VTA1: variants seen among roughly 807,000 people sequenced by gnomAD.
The protein encoded by VTA1 is vesicle trafficking 1, also known as vacuolar protein sorting-associated protein VTA1 homolog.
Under a neutral mutation model 36.9 loss-of-function variants are expected in VTA1, and 24 were observed. The ratio of observed to expected loss-of-function variants is 0.65; its 90% confidence interval spans 0.47 to 0.91. The LOEUF (loss-of-function observed/expected upper bound fraction) is 0.91, where lower values mean the gene tolerates loss of function less well. Ranked by LOEUF, VTA1 falls within the 40% of genes least tolerant of loss-of-function variation. VTA1 has a pLI of 0.00. For missense variants in VTA1, 393 were observed against 377.2 expected (o/e 1.04, Z -0.35); for synonymous variants, 142 against 130.2 (o/e 1.09, Z -0.62).
chr6:142,159,481 T>C (rs1190656584), intron 1 of VTA1, among the ~76,000 whole-genome samples: 1 of 32,238 alleles, frequency 3.1e-5, no homozygotes, highest in Non-Finnish European at 6.2e-5. Flanking sequence ...ATTTCAGGTA[T>C]TATTATTATT....
In VTA1 at chr6:142,218,598, G is replaced by C. The variant is rs747345637; in HGVS notation, c.879G>C (p.Gln293His). Residue 293 changes from glutamine (Q) to histidine (H), a missense_variant, in exon 8 of 8, where the codon CAG becomes CAC. Transcript: ENST00000367630. ...LQYEDVSTAV[Q>H]NLQKALKLLT... Reference sequence around the variant, plus strand: ...ATGAAGATGTAAGCACTGCTGTCCAGAATCTACAAAAGGCTCTCAAGTTAC... The same window carrying C: ...ATGAAGATGTAAGCACTGCTGTCCACAATCTACAAAAGGCTCTCAAGTTAC... 6.2e-7 allele frequency: 1 copy of C among 1,612,922 alleles called. No individual in the cohort carries two copies.
In VTA1 at chr6:142,161,077, TTCC is replaced by T. The variant is rs1212458866; in HGVS notation, c.113-5150_113-5148del. ...CAGGCATTCATTCATGCTTCCTTCC[TTCC>T]CCCCCCCCCCTTTTTTTGGGTCAAA... On this transcript the variant is annotated intron_variant, in intron 1 of 7. Transcript: ENST00000367630. Among the ~76,000 whole-genome samples the T allele has an allele frequency of 6.6e-4, 60 of 90,850 alleles. 6 individuals are homozygous for T. Among genetic ancestry groups the T allele is most frequent in the African/African-American group, 2.8e-3 (52 of 18,638 alleles). The allele number at this position is 90,850 out of a possible 152,430, so 59.6% of individuals were successfully genotyped here.
In VTA1 at chr6:142,178,327, A is replaced by G. The variant is rs968856832; in HGVS notation, c.411+7906A>G. Among the ~76,000 whole-genome samples the G allele has an allele frequency of 4.6e-5, 7 of 152,186 alleles. No homozygotes were observed. In the East Asian group the frequency reaches 1.2e-3, roughly 25 times the overall value. On this transcript the variant is annotated intron_variant, in intron 4 of 7. Coordinates refer to ENST00000367630, the MANE Select transcript of VTA1 (RefSeq NM_016485.5). ...AAAAAAATAAAACAAATGAACAAAAACCCTGTCAACTCAGAATTCTATATA... is the reference window on the plus strand; with the variant it reads ...AAAAAAATAAAACAAATGAACAAAAGCCCTGTCAACTCAGAATTCTATATA...
intron 7 of VTA1, among the ~76,000 whole-genome samples, chr6:142,210,261 T>A (rs1407247649): frequency 1.3e-5 from 2 of 152,152 alleles, no homozygotes; most frequent in African/African-American, 4.8e-5. Flanking sequence ...TACACAAAAA[T>A]CAAGTCAAAA....
At chr6:142,186,070 G>A (rs567885902) in intron 4 of VTA1, among the ~76,000 whole-genome samples, 17 of 152,198 alleles carry the variant, frequency 1.1e-4, no homozygotes, top group African/African-American at 3.6e-4. Flanking sequence ...TAAGATTACC[G>A]GAGAGTCTGA....
intron 4 of VTA1, among the ~76,000 whole-genome samples, chr6:142,172,844 G>C (rs941063800): frequency 6.6e-6 from 1 of 152,054 alleles, no homozygotes; most frequent in Non-Finnish European, 1.5e-5. Flanking sequence ...AGGTCAGACA[G>C]ATGATGGAAG....
chr6:142,163,426 T>C (rs1774848423), intron 1 of VTA1, among the ~76,000 whole-genome samples: 2 of 152,194 alleles, frequency 1.3e-5, no homozygotes, highest in South Asian at 4.1e-4. Context: ...TACATGGCCA[T>C]ATTTTGCTTT....
chr6:142,162,740 G>T (rs1774834211), intron 1 of VTA1, among the ~76,000 whole-genome samples: 1 of 152,072 alleles, frequency 6.6e-6, no homozygotes, highest in African/African-American at 2.4e-5. Context: ...GGTAGAAGGA[G>T]ATAGTAAAAT....
At chr6:142,154,605 T>C (rs1778627636) in intron 1 of VTA1, among the ~76,000 whole-genome samples, 1 of 152,240 alleles carries the variant, frequency 6.6e-6, no homozygotes, top group African/African-American at 2.4e-5. Flanking sequence ...GAATAAGTGA[T>C]AGAGTTTCTC....
intron 5 of VTA1, among the ~76,000 whole-genome samples, chr6:142,195,921 A>T (rs1775536534): frequency 6.6e-6 from 1 of 152,076 alleles, no homozygotes; most frequent in African/African-American, 2.4e-5. Context: ...TTTGTAGTTT[A>T]TCAAGATTTC....
chr6:142,174,007 C>T (rs2114649429), intron 4 of VTA1, among the ~76,000 whole-genome samples: 1 of 152,254 alleles, frequency 6.6e-6, no homozygotes, highest in East Asian at 1.9e-4. Context: ...AATAAAGTAG[C>T]GTCTTTGTTG....
At chr6:142,161,494 ATGTT>A (rs780276733) in intron 1 of VTA1, among the ~76,000 whole-genome samples, 3 of 152,124 alleles carry the variant, frequency 2.0e-5, no homozygotes, top group Non-Finnish European at 4.4e-5. Context: ...GAATTAGTAA[ATGTT>A]TGTTTTCTAA....
chr6:142,164,367 C>G lies in VTA1; in HGVS notation c.113-1861C>G, dbSNP rs999154103. Among the ~76,000 whole-genome samples the G allele has an allele frequency of 3.3e-5, 5 of 151,952 alleles. No homozygotes were observed. The Middle Eastern group carries it at 0.01, about 310-fold the overall frequency. On this transcript the variant is annotated intron_variant, in intron 1 of 7. Transcript: ENST00000367630. ...GGTAGTGCAGTATATCTCGGTTACA[C>G]TTTTGGAACTCTTTTTTTTTTCTCC...
chr6:142,220,848 T>G lies in VTA1; in HGVS notation c.*2205T>G, dbSNP rs1488161898. ...TGAATGGCTACTATATGCCTGGTAT[T>G]GTTCTTTGAAAGCAGAAACAGCAGG... On this transcript the variant is annotated 3_prime_UTR_variant, in exon 8 of 8. Transcript: ENST00000367630. 6.6e-6 allele frequency: 1 copy of G among 152,076 alleles called. No individual in the cohort carries two copies. Among genetic ancestry groups the G allele is most frequent in the East Asian group, 1.9e-4 (1 of 5,178 alleles). 9.4% of individuals were successfully genotyped at this position (152,076 alleles called of 1,614,324 possible).
intron 7 of VTA1, among the ~76,000 whole-genome samples, chr6:142,216,103 G>A (rs1776000838): frequency 6.6e-6 from 1 of 151,830 alleles, no homozygotes; most frequent in Admixed American, 6.6e-5. Context: ...TTCTGATTAT[G>A]GCCTCTAGTA....
chr6:142,204,118 T>C (rs1250339931), intron 7 of VTA1, 53 bp downstream of exon 7: 11 of 1,521,654 alleles, frequency 7.2e-6, no homozygotes, highest in African/African-American at 2.7e-5. Context: ...TTTGGGTTGC[T>C]GTTTTGTAAT....
chr6:142,198,958 G>C (rs1306942667), intron 6 of VTA1, among the ~76,000 whole-genome samples: 1 of 152,034 alleles, frequency 6.6e-6, no homozygotes, highest in African/African-American at 2.4e-5. Context: ...GCTCGGAGGT[G>C]AGTGGAGTTG....
Position 142,216,127 on chromosome 6 carries a change from G to GA in VTA1, c.779-2361dup, listed in dbSNP as rs899477342. 4.1e-3 allele frequency among the ~76,000 whole-genome samples: 592 copies of GA among 145,968 alleles called. 1 individual carries two copies. The highest frequency in any genetic ancestry group is 0.014 in the Middle Eastern group (4 of 276). On this transcript the variant is annotated intron_variant, in intron 7 of 7. Coordinates refer to ENST00000367630, the MANE Select transcript of VTA1 (RefSeq NM_016485.5). ...TGGCCTCTAGTAAATTTTAATGATA[G>GA]AAAAAAAAAACAGCTTTTATTTTGG... is the stretch of plus-strand genomic sequence containing the variant.
chr6:142,214,209 C>T (rs1775964640), intron 7 of VTA1, among the ~76,000 whole-genome samples: 2 of 152,148 alleles, frequency 1.3e-5, no homozygotes, highest in African/African-American at 4.8e-5. Context: ...TTCAAAATTC[C>T]ACAGATCTCT....
Sources: allele counts gnomAD v4.1 joint callset (sites outside exome capture counted in the v4.1 genomes callset), GRCh38; gene constraint gnomAD v4.1.1; transcripts MANE v1.5; gene names NCBI Gene and HGNC (gene_info 2026-07-23, HGNC 2026-07-21).